The following ASCC3 variants were observed in gnomAD, a reference collection of about 807,000 sequenced individuals.
ASCC3 encodes the protein activating signal cointegrator 1 complex subunit 3.
In ASCC3, 158 loss-of-function variants were observed where a neutral mutation model predicts 256.3. The ratio of observed to expected loss-of-function variants is 0.62; its 90% CI spans 0.54 to 0.70. The LOEUF (loss-of-function observed/expected upper bound fraction) is 0.70, where lower values mean the gene tolerates loss of function less well. Among genes scored for constraint, ASCC3 ranks in the 30% least tolerant of loss-of-function variants. The pLI is 0.00. For synonymous variants in ASCC3, 948 were observed against 883.4 expected, an observed-to-expected ratio of 1.07 and a Z score of -1.30; for missense variants, 2,259 against 2,626.0, an observed-to-expected ratio of 0.86 and a Z score of 3.05.
intron 11 of ASCC3, among the ~76,000 whole-genome samples, chr6:100,723,140 CT>C (rs1779424804): frequency 6.6e-6 from 1 of 151,512 alleles, no homozygotes; most frequent in African/African-American, 2.4e-5. Flanking sequence ...GATTCATATT[CT>C]TTTTAAGCAT....
At chr6:100,736,175 G>T (rs1269649285) in intron 10 of ASCC3, among the ~76,000 whole-genome samples, 1 of 152,106 alleles carries the variant, frequency 6.6e-6, no homozygotes, top group African/African-American at 2.4e-5. Context: ...GTCTAATGAG[G>T]AAAACAGAAC....
intron 8 of ASCC3, among the ~76,000 whole-genome samples, chr6:100,774,741 T>C (rs1240045327): frequency 6.6e-6 from 1 of 152,106 alleles, no homozygotes; most frequent in East Asian, 1.9e-4. Flanking sequence ...TGGGCTCAAG[T>C]TATCCTCCCA....
chr6:100,603,749 T>G (rs2114800558), intron 33 of ASCC3, among the ~76,000 whole-genome samples: 1 of 152,212 alleles, frequency 6.6e-6, no homozygotes, highest in African/African-American at 2.4e-5. Flanking sequence ...ATCCATTCAT[T>G]TTTCAAATAA....
At chr6:100,656,303 T>C (rs1775912222) in intron 16 of ASCC3, among the ~76,000 whole-genome samples, 1 of 151,700 alleles carries the variant, frequency 6.6e-6, no homozygotes, top group African/African-American at 2.4e-5. Context: ...CATTAGCTTT[T>C]ACCTCCCAAG....
rs1427006283 is a variant in ASCC3 at position 100,646,753 on chromosome 6, A to T, written c.3495T>A (p.His1165Gln). The T allele has an allele frequency of 6.2e-7, 1 of 1,613,852 alleles. No homozygotes were observed. The highest frequency in any genetic ancestry group is 8.5e-7 in the Non-Finnish European group (1 of 1,179,910). Residue 1165 changes from histidine to glutamine, a missense_variant, in exon 22 of 42, where the codon CAT becomes CAA. His to Gln is a conservative substitution (Grantham distance 24). This residue lies in a region of ASCC3 where 1,839 missense variants were observed against 2,206.7 expected (regional missense o/e 0.83). Coordinates refer to ENST00000369162, the MANE Select transcript of ASCC3 (RefSeq NM_006828.4). Reference sequence around the variant, plus strand: ...GTTTGACCTTCAGTCCAATATTCACATGATGTAAAATGTGACCTGCAAGAA... The same window carrying T: ...GTTTGACCTTCAGTCCAATATTCACTTGATGTAAAATGTGACCTGCAAGAA... ...RKDEIGHILH[H>Q]VNIGLKVKQC...
Position 100,605,572 on chromosome 6 carries a change from A to G in ASCC3, c.5173T>C (p.Ser1725Pro). ...ACTAATTTAAATAAGATTTACCTTGATTCTACTGGGAAAGGTTCATAAAGA... is the reference window on the plus strand; with the variant it reads ...ACTAATTTAAATAAGATTTACCTTGGTTCTACTGGGAAAGGTTCATAAAGA... ...KFLYEPFPVE[S>P]SLLGVLSDHL... is the part of the protein sequence containing the mutation. The change falls in exon 33 of 42, where the codon TCA becomes CCA. Residue 1725 changes from serine (S) to proline (P), a missense_variant. Ser to Pro is a moderately conservative substitution (Grantham distance 74, BLOSUM62 -1). Transcript: ENST00000369162. 1 of 1,496,134 alleles carries G rather than the reference A, an allele frequency of 6.7e-7. No individual in the cohort carries two copies. The highest frequency in any genetic ancestry group is 2.3e-5 in the East Asian group (1 of 44,228). 92.7% of individuals were successfully genotyped at this position (1,496,134 alleles called of 1,614,324 possible). A position where few individuals can be genotyped will look rare whatever the true frequency, so the allele number is the denominator to read the frequency against.
chr6:100,676,616 A>G lies in ASCC3; in HGVS notation c.2286+3002T>C, dbSNP rs759718208. 6.8e-4 allele frequency among the ~76,000 whole-genome samples: 104 copies of G among 152,330 alleles called. 1 individual carries two copies. The highest frequency in any genetic ancestry group is 1.1e-3 in the Non-Finnish European group (77 of 68,040). On this transcript the variant is annotated intron_variant, in intron 14 of 41. Transcript: ENST00000369162. ...TTTTTCCCTTGGGGGTGACTTTGAT[A>G]TTAAAGATCAATATTATATGAGAAG...
chr6:100,585,493 CA>C (rs1771602343), intron 36 of ASCC3, among the ~76,000 whole-genome samples: 1 of 152,096 alleles, frequency 6.6e-6, no homozygotes, highest in African/African-American at 2.4e-5. Context: ...AAATTTTTTT[CA>C]AAGTTTTCAG....
intron 36 of ASCC3, among the ~76,000 whole-genome samples, chr6:100,543,529 T>C (rs973052926): frequency 2.0e-5 from 3 of 152,118 alleles, no homozygotes; most frequent in Non-Finnish European, 4.4e-5. Context: ...TATACTATGC[T>C]AACAGTAGTT....
chr6:100,578,205 AG>A (rs1223642899), intron 36 of ASCC3, among the ~76,000 whole-genome samples: 3 of 152,214 alleles, frequency 2.0e-5, no homozygotes, highest in Admixed American at 1.3e-4. Flanking sequence ...AGGTATAAAC[AG>A]GCATAACATA....
chr6:100,820,801 C>A (rs1325591856), intron 4 of ASCC3, among the ~76,000 whole-genome samples: 5 of 151,612 alleles, frequency 3.3e-5, no homozygotes, highest in African/African-American at 1.2e-4. Flanking sequence ...AAAAAGAAAA[C>A]CCAATATAAA....
intron 38 of ASCC3, among the ~76,000 whole-genome samples, chr6:100,517,490 T>C (rs1774092006): frequency 6.6e-6 from 1 of 152,164 alleles, no homozygotes; most frequent in Admixed American, 6.5e-5. Context: ...ACATGAGACT[T>C]ACGGGTTTGG....
At chr6:100,567,287 T>C (rs1426183717) in intron 36 of ASCC3, among the ~76,000 whole-genome samples, 1 of 152,078 alleles carries the variant, frequency 6.6e-6, no homozygotes, top group African/African-American at 2.4e-5. Flanking sequence ...ACATACACTG[T>C]TTGTACCTTA....
chr6:100,573,686 G>A (rs1046403107), intron 36 of ASCC3, among the ~76,000 whole-genome samples: 4 of 151,890 alleles, frequency 2.6e-5, no homozygotes, highest in African/African-American at 4.8e-5. Context: ...ACAATTCTAC[G>A]TAGTTATTAT....
intron 4 of ASCC3, among the ~76,000 whole-genome samples, chr6:100,841,618 C>A (rs1353479602): frequency 6.6e-6 from 1 of 151,646 alleles, no homozygotes; most frequent in African/African-American, 2.4e-5. Flanking sequence ...GAACACTAAA[C>A]AGCTGTATCC....
intron 4 of ASCC3, among the ~76,000 whole-genome samples, chr6:100,837,625 G>A (rs756485749): frequency 5.3e-4 from 80 of 151,942 alleles, no homozygotes; most frequent in Non-Finnish European, 9.0e-4. Flanking sequence ...AAAATAAGCC[G>A]GGCACAGTAA....
intron 36 of ASCC3, among the ~76,000 whole-genome samples, chr6:100,575,002 C>A (rs921775613): frequency 6.6e-6 from 1 of 152,012 alleles, no homozygotes; most frequent in African/African-American, 2.4e-5. Context: ...AGATGCCAGG[C>A]AGCTCCCCAG....
intron 30 of ASCC3, 96 bp from the exon 31 acceptor site, chr6:100,607,184 T>A: frequency 7.7e-7 from 1 of 1,303,724 alleles, no homozygotes; most frequent in Non-Finnish European, 1.1e-6. Context: ...TGTCTTTATG[T>A]TATTATATGG....
intron 2 of ASCC3, among the ~76,000 whole-genome samples, chr6:100,864,523 ATT>A (rs1301276452): frequency 6.6e-6 from 1 of 152,210 alleles, no homozygotes; most frequent in Non-Finnish European, 1.5e-5. Context: ...CAATATTATT[ATT>A]GTTACTGATA....
Sources: gnomAD v4.1 joint callset for allele counts (sites outside exome capture counted in the v4.1 genomes callset) on GRCh38, gnomAD v4.1.1 for gene constraint, gnomAD v4.1.1 regional missense constraint, MANE v1.5 for transcripts, NCBI Gene and HGNC (gene_info 2026-07-23, HGNC 2026-07-21) for gene names.